Variants in SRP54 observed in about 807,000 individuals in gnomAD.
SRP54 encodes the protein signal recognition particle subunit SRP54.
SRP54 carries 10 observed loss-of-function variants against 64.8 expected under a neutral mutation model. That is an observed-to-expected ratio of 0.15 (90% CI 0.10 to 0.26). The LOEUF (loss-of-function observed/expected upper bound fraction) is 0.26. Among genes scored for constraint, SRP54 ranks in the 10% least tolerant of loss-of-function variants. SRP54 has a pLI of 1.00. For synonymous variants in SRP54, 193 were observed against 185.6 expected (o/e 1.04, Z -0.32); for missense variants, 325 against 613.7 (o/e 0.53, Z 4.97).
chr14:35,020,413 CTG>C (rs1425136894), intron 13 of SRP54, among the ~76,000 whole-genome samples: 2 of 152,156 alleles, frequency 1.3e-5, no homozygotes, highest in Non-Finnish European at 2.9e-5. Flanking sequence ...AAAGATTTCT[CTG>C]TAGTATTCGA....
At chr14:34,989,420 G>A (rs1417594179) in intron 1 of SRP54, among the ~76,000 whole-genome samples, 2 of 151,818 alleles carry the variant, frequency 1.3e-5, no homozygotes, top group African/African-American at 4.8e-5. Context: ...AGTGAGCTGA[G>A]ATTGCCCCAT....
At chr14:35,015,237 C>T (rs527517157) in intron 11 of SRP54, among the ~76,000 whole-genome samples, 7 of 152,146 alleles carry the variant, frequency 4.6e-5, no homozygotes, top group African/African-American at 7.2e-5. Context: ...CCACCAGGCC[C>T]GGCTAATTTT....
At chr14:34,988,578 A>AATATATATATATATATATATCATATAT (rs1555352766) in intron 1 of SRP54, among the ~76,000 whole-genome samples, 7 of 47,072 alleles carry the variant, frequency 1.5e-4, no homozygotes, top group African/African-American at 2.0e-4. Flanking sequence ...AAAAAAAAAA[A>AATATATATATATATATATATCATATAT]ATATATATAT....
At chr14:35,020,805 C>G (rs555144217) in intron 13 of SRP54, among the ~76,000 whole-genome samples, 54 of 152,304 alleles carry the variant, frequency 3.5e-4, no homozygotes, top group Non-Finnish European at 6.5e-4. Context: ...ATCATCATAA[C>G]AACTCCTATG....
At chr14:35,023,839 CTGTT>C (rs991594338) in intron 14 of SRP54, among the ~76,000 whole-genome samples, 1 of 149,246 alleles carries the variant, frequency 6.7e-6, no homozygotes, top group African/African-American at 2.5e-5. Flanking sequence ...CTGAGTAATA[CTGTT>C]TAAGTTATGC....
intron 13 of SRP54, among the ~76,000 whole-genome samples, chr14:35,019,881 A>G (rs1460887758): frequency 1.3e-5 from 2 of 152,174 alleles, no homozygotes; most frequent in African/African-American, 4.8e-5. Context: ...ACCTTAATTT[A>G]AAAATAGTTG....
chr14:35,010,234 G>A (rs1246882772), intron 7 of SRP54, among the ~76,000 whole-genome samples: 1 of 152,006 alleles, frequency 6.6e-6, no homozygotes, highest in Non-Finnish European at 1.5e-5. Context: ...GATCACCTGA[G>A]GTCGGGAGTT....
At chr14:35,021,232 T>G (rs1351223303) in intron 13 of SRP54, among the ~76,000 whole-genome samples, 2 of 152,158 alleles carry the variant, frequency 1.3e-5, no homozygotes, top group East Asian at 3.8e-4. Context: ...TTAAAAGATG[T>G]AGGAAATCAG....
At chr14:35,006,006 A>AT (rs2044251985) in intron 4 of SRP54, among the ~76,000 whole-genome samples, 1 of 151,752 alleles carries the variant, frequency 6.6e-6, no homozygotes, top group African/African-American at 2.4e-5. Flanking sequence ...CGCCCGGCTA[A>AT]TTTTTTGTAT....
chr14:34,986,808 G>T (rs2043901974), intron 1 of SRP54, among the ~76,000 whole-genome samples: 1 of 151,778 alleles, frequency 6.6e-6, no homozygotes, highest in African/African-American at 2.4e-5. Context: ...GAACTCGGAG[G>T]GCAGAGGTTG....
chr14:34,998,922 T>G lies in SRP54; in HGVS notation c.79-636T>G, dbSNP rs149892844. ...GAAAACATCAAAGGCAACATCTATT[T>G]GTAGTAACTTTTTTTGGCTTGAATA... On this transcript the variant is annotated intron_variant, in intron 2 of 15. Transcript: ENST00000216774. Among the ~76,000 whole-genome samples, 20 of 151,780 alleles carry G rather than the reference T, an allele frequency of 1.3e-4. No individual in the cohort carries two copies. In the South Asian group the frequency reaches 3.5e-3, roughly 27 times the overall value.
intron 1 of SRP54, 32 bp downstream of exon 1, chr14:34,983,247 C>G (rs370794568): frequency 6.6e-6 from 1 of 152,284 alleles, no homozygotes; most frequent in South Asian, 2.1e-4. Flanking sequence ...CCCCAGACTA[C>G]GGAGGGGGAG....
At chr14:35,019,226 A>G (rs2044488222) in intron 13 of SRP54, 152 bp downstream of exon 13, 1 of 579,694 alleles carries the variant, frequency 1.7e-6, no homozygotes, top group African/African-American at 1.9e-5. Flanking sequence ...CTCTTACTCA[A>G]AGGGTTATGA....
chr14:34,989,227 T>C (rs799484), intron 1 of SRP54, among the ~76,000 whole-genome samples: 113,972 of 152,072 alleles, frequency 0.75, 43,753 homozygotes, highest in Non-Finnish European at 0.84. Flanking sequence ...TTTGGCCAGG[T>C]GCAGTGGCTC....
At chr14:35,018,075 A>G (rs536983816) in intron 11 of SRP54, among the ~76,000 whole-genome samples, 17 of 152,320 alleles carry the variant, frequency 1.1e-4, no homozygotes, top group African/African-American at 4.1e-4. Flanking sequence ...ACTTCAATCC[A>G]GTCTCAGTGA....
chr14:35,027,416 A>G (rs1174095927), intron 14 of SRP54, among the ~76,000 whole-genome samples: 1 of 152,164 alleles, frequency 6.6e-6, no homozygotes, highest in Non-Finnish European at 1.5e-5. Flanking sequence ...CTTTTTGTCC[A>G]GCATTCCCCT....
At chr14:35,018,854 G>C in intron 12 of SRP54, 89 bp downstream of exon 12, 1 of 1,420,058 alleles carries the variant, frequency 7.0e-7, no homozygotes, top group Middle Eastern at 1.8e-4. Flanking sequence ...TTTACATTCG[G>C]GTAAAAATAT....
chr14:35,020,795 A>C (rs1283269253), intron 13 of SRP54, among the ~76,000 whole-genome samples: 1 of 152,200 alleles, frequency 6.6e-6, no homozygotes, highest in Non-Finnish European at 1.5e-5. Flanking sequence ...AATTCATTTT[A>C]TCATCATAAC....
intron 1 of SRP54, among the ~76,000 whole-genome samples, chr14:34,983,655 T>G (rs1274737992): frequency 6.6e-6 from 1 of 152,260 alleles, no homozygotes; most frequent in African/African-American, 2.4e-5. Context: ...GATAGACTGA[T>G]AGCTCTCTCT....
Sources: allele counts gnomAD v4.1 joint callset (sites outside exome capture counted in the v4.1 genomes callset), GRCh38; gene constraint gnomAD v4.1.1; transcripts MANE v1.5; gene names NCBI Gene and HGNC (gene_info 2026-07-23, HGNC 2026-07-21).